Variants in MIA2 observed in about 807,000 individuals in gnomAD.
MIA2 encodes the protein melanoma inhibitory activity protein 2.
Under a neutral mutation model 167.8 loss-of-function variants are expected in MIA2, and 127 were observed. That is an observed-to-expected ratio of 0.76 (90% CI 0.66 to 0.88). The LOEUF is 0.88. Ranked by LOEUF, MIA2 falls within the 40% of genes least tolerant of loss-of-function variation. The pLI is 0.00. For missense variants in MIA2, 1,690 were observed against 1,624.7 expected (o/e 1.04, Z -0.69); for synonymous variants, 552 against 541.9 (o/e 1.02, Z -0.26).
rs552843338 is a variant in MIA2 at position 39,338,799 on chromosome 14, T to G, written c.3656-7105T>G. On this transcript the variant is annotated intron_variant, in intron 25 of 28. Transcript: ENST00000640607. ...CAAAGAGACTTGGTAAGAAAGTAGT[T>G]TAAATTGTCCATGTAATTCTTTTGC... is the stretch of plus-strand genomic sequence containing the variant. 1.4e-4 allele frequency among the ~76,000 whole-genome samples: 22 copies of G among 152,334 alleles called. No individual in the cohort carries two copies. In the South Asian group the frequency reaches 4.1e-3, roughly 29 times the overall value.
chr14:39,343,349 G>T (rs2072458271), intron 25 of MIA2, among the ~76,000 whole-genome samples: 1 of 152,140 alleles, frequency 6.6e-6, no homozygotes, highest in Non-Finnish European at 1.5e-5. Flanking sequence ...ATTTCACCAT[G>T]TTGGCCAGGC....
intron 25 of MIA2, among the ~76,000 whole-genome samples, chr14:39,329,026 A>C (rs968493600): frequency 6.6e-6 from 1 of 152,030 alleles, no homozygotes; most frequent in East Asian, 1.9e-4. Flanking sequence ...GCTTGATGGG[A>C]ATAGCATTGA....
intron 13 of MIA2, among the ~76,000 whole-genome samples, chr14:39,295,319 G>A (rs1461216069): frequency 6.6e-6 from 1 of 152,172 alleles, no homozygotes; most frequent in Non-Finnish European, 1.5e-5. Flanking sequence ...GAGAATATGA[G>A]TGAGGATTAT....
intron 9 of MIA2, among the ~76,000 whole-genome samples, chr14:39,286,364 A>C (rs2059785217): frequency 1.3e-5 from 2 of 151,900 alleles, no homozygotes; most frequent in African/African-American, 4.9e-5. Flanking sequence ...AGAATCAGGC[A>C]GGGAGGTTGC....
Position 39,299,983 on chromosome 14 carries a change from C to T in MIA2, c.2616C>T (p.Ile872=). 1 of 1,591,754 alleles carries T rather than the reference C, an allele frequency of 6.3e-7. No homozygotes were observed. Among genetic ancestry groups the T allele is most frequent in the Non-Finnish European group, 8.5e-7 (1 of 1,172,550 alleles). The change falls in exon 14 of 29, where the codon ATC becomes ATT. Residue 872 remains isoleucine (I), a synonymous_variant. Coordinates refer to ENST00000640607, the MANE Select transcript of MIA2 (RefSeq NM_001329214.4). Reference sequence around the variant, plus strand: ...TTCTAAATGATAAAGAAAGTCACATCAAGGTAAATGGCTCTACTGGTTTTA... The same window carrying T: ...TTCTAAATGATAAAGAAAGTCACATTAAGGTAAATGGCTCTACTGGTTTTA... ...EQVLNDKESH[I]KTLTERLLKM...
intron 6 of MIA2, chr14:39,266,183 CT>C: frequency 1.0e-6 from 1 of 985,330 alleles, no homozygotes; most frequent in Non-Finnish European, 1.2e-6. Context: ...GTATCTGCTC[CT>C]TTTTGAGTTG....
At chr14:39,355,074 G>A (rs868541769), downstream of MIA2, among the ~76,000 whole-genome samples, 31 of 19,986 alleles carry the variant, frequency 1.6e-3, no homozygotes, top group African/African-American at 2.8e-3. Flanking sequence ...ACTTTAAAGT[G>A]GTTTTTTCCA....
At chr14:39,329,895 A>G (rs980715061) in intron 25 of MIA2, among the ~76,000 whole-genome samples, 2 of 152,146 alleles carry the variant, frequency 1.3e-5, no homozygotes, top group African/African-American at 4.8e-5. Flanking sequence ...GGATTTTTGC[A>G]TCAATGTTCA....
rs1479927076 is a variant in MIA2, at chr14:39,251,967, ATTC to A, written c.1568-778_1568-776del. On this transcript the variant is annotated intron_variant, in intron 4 of 28. Coordinates refer to ENST00000640607, the MANE Select transcript of MIA2 (RefSeq NM_001329214.4). ...CTGAAGGGAATCTATGTGCTGCCTTATTCTTAGTCATATATACTATATATGTAC... is the reference window on the plus strand; with the variant it reads ...CTGAAGGGAATCTATGTGCTGCCTTATTAGTCATATATACTATATATGTAC... Among the ~76,000 whole-genome samples, 3 of 152,236 alleles carry A rather than the reference ATTC, an allele frequency of 2.0e-5. No homozygotes were observed. In the East Asian group the frequency reaches 5.8e-4, roughly 29 times the overall value.
At chr14:39,377,348 T>C (rs925371252) in intron 23 of MIA2, among the ~76,000 whole-genome samples, 3 of 152,332 alleles carry the variant, frequency 2.0e-5, no homozygotes, top group African/African-American at 7.2e-5. Flanking sequence ...TAGGTTGCTA[T>C]TGTTTTCTTC....
At chr14:39,307,366 T>C (rs1345184697) in intron 17 of MIA2, among the ~76,000 whole-genome samples, 1 of 149,614 alleles carries the variant, frequency 6.7e-6, no homozygotes, top group Non-Finnish European at 1.5e-5. Context: ...GGGAATCCTA[T>C]AAATAATAAC....
intron 25 of MIA2, among the ~76,000 whole-genome samples, chr14:39,331,121 C>G (rs1357147709): frequency 6.6e-6 from 1 of 151,926 alleles, no homozygotes; most frequent in Non-Finnish European, 1.5e-5. Context: ...TAAGAACTTG[C>G]TTTATGAATC....
intron 9 of MIA2, among the ~76,000 whole-genome samples, chr14:39,288,225 C>T (rs1360887663): frequency 4.6e-5 from 7 of 151,302 alleles, no homozygotes; most frequent in African/African-American, 1.7e-4. Flanking sequence ...TACTTGGGAG[C>T]ATGAGGTGGG....
At chr14:39,241,128 T>C (rs2152612179) in intron 3 of MIA2, among the ~76,000 whole-genome samples, 1 of 152,346 alleles carries the variant, frequency 6.6e-6, no homozygotes, top group Admixed American at 6.5e-5. Context: ...GATAAAAGTT[T>C]ATTTTCCACC....
intron 14 of MIA2, among the ~76,000 whole-genome samples, chr14:39,301,017 TAC>T (rs1173636900): frequency 6.9e-6 from 1 of 144,022 alleles, no homozygotes; most frequent in Admixed American, 7.1e-5. Context: ...TACACATATA[TAC>T]ACACATATAT....
intron 22 of MIA2, 60 bp downstream of exon 22, chr14:39,318,071 A>G (rs1475865469): frequency 8.0e-7 from 1 of 1,249,368 alleles, no homozygotes; most frequent in African/African-American, 1.5e-5. Flanking sequence ...TAATTAGGTA[A>G]TACTTTTATA....
At position 39,240,558 on chromosome 14, in the gene MIA2, CAGAA is replaced by C. The variant is rs2053993648; in HGVS notation, c.250_253del (p.Lys84GlufsTer38). On this transcript the variant is annotated splice_acceptor_variant and coding_sequence_variant, in exon 3 of 29. Transcript: ENST00000640607. LOFTEE classifies it high-confidence loss of function. ...CGATAATCTTTGTTCTTCATTTTGA[CAGAA>C]AGGAAAGGAGTTTGGATATTTTCCC... 1 of 1,603,322 alleles carries C rather than the reference CAGAA, an allele frequency of 6.2e-7. No individual in the cohort carries two copies. Among genetic ancestry groups the C allele is most frequent in the East Asian group, 2.2e-5 (1 of 44,716 alleles).
At chr14:39,354,626 A>ATCCT (rs2074474850), downstream of MIA2, among the ~76,000 whole-genome samples, 1 of 152,010 alleles carries the variant, frequency 6.6e-6, no homozygotes, top group African/African-American at 2.4e-5. Flanking sequence ...TAGACATGAG[A>ATCCT]TCCTTGCCCA....
intron 1 of MIA2, 99 bp downstream of exon 1, chr14:39,234,328 C>A (rs2053636445): frequency 1.6e-6 from 1 of 643,946 alleles, no homozygotes; most frequent in Non-Finnish European, 2.6e-6. Flanking sequence ...AGTATTGATA[C>A]CATTGAGAAA....
Sources: gnomAD v4.1 joint callset for allele counts (sites outside exome capture counted in the v4.1 genomes callset) on GRCh38, gnomAD v4.1.1 for gene constraint, MANE v1.5 for transcripts, NCBI Gene and HGNC (gene_info 2026-07-23, HGNC 2026-07-21) for gene names.